The following FNDC1 variants were observed in gnomAD, a reference collection of about 807,000 sequenced individuals.
FNDC1 encodes the protein fibronectin type III domain-containing protein 1.
In FNDC1, 96 loss-of-function variants were observed where a neutral mutation model predicts 168.0. That is an observed-to-expected ratio of 0.57 (90% CI 0.48 to 0.68). The LOEUF (loss-of-function observed/expected upper bound fraction) is 0.68, where lower values mean the gene tolerates loss of function less well. Ranked by LOEUF, FNDC1 falls within the 30% of genes least tolerant of loss-of-function variation. The pLI is 0.00. For missense variants in FNDC1, 2,587 were observed against 2,482.1 expected (o/e 1.04, Z -0.90); for synonymous variants, 1,099 against 1,025.9 (o/e 1.07, Z -1.36).
chr6:159,269,589 GTCTGTCTGTCTA>G (rs752462458), intron 22 of FNDC1, among the ~76,000 whole-genome samples: 157 of 100,722 alleles, frequency 1.6e-3, no homozygotes, highest in East Asian at 3.4e-3. Context: ...CTGTCTGTCT[GTCTGTCTGTCTA>G]TCTATCTATC....
chr6:159,200,393 G>A, intron 3 of FNDC1, 120 bp from the exon 4 acceptor site: 3 of 798,862 alleles, frequency 3.8e-6, no homozygotes, highest in East Asian at 2.7e-5. Flanking sequence ...AATATGGGCT[G>A]AGCAGATCCT....
intron 8 of FNDC1, 108 bp from the exon 9 acceptor site, chr6:159,226,365 C>G (rs554803558): frequency 4.7e-5 from 36 of 766,486 alleles, no homozygotes; most frequent in Non-Finnish European, 7.1e-5. Flanking sequence ...AAAATTAACA[C>G]AGTAGGTCTT....
At chr6:159,234,551 T>C in intron 11 of FNDC1, 72 bp downstream of exon 11, 1 of 1,416,042 alleles carries the variant, frequency 7.1e-7, no homozygotes, top group South Asian at 1.3e-5. Context: ...AAGAAGTTTT[T>C]ATTCTATTGC....
chr6:159,199,943 G>T (rs372268158), intron 2 of FNDC1, 53 bp from the exon 3 acceptor site: 19 of 1,459,916 alleles, frequency 1.3e-5, no homozygotes, highest in Non-Finnish European at 1.8e-5. Context: ...GAGTGAAACT[G>T]TGTCATTCTT....
At chr6:159,207,555 C>A (rs1227461432) in intron 4 of FNDC1, among the ~76,000 whole-genome samples, 2 of 152,172 alleles carry the variant, frequency 1.3e-5, no homozygotes, top group South Asian at 2.1e-4. Flanking sequence ...GTCTGTGATA[C>A]CTCTGAGAGG....
At chr6:159,205,132 T>A (rs1344014810) in intron 4 of FNDC1, among the ~76,000 whole-genome samples, 3 of 152,166 alleles carry the variant, frequency 2.0e-5, no homozygotes. Context: ...CATCTTTGGA[T>A]CCCTCCCAGT....
At chr6:159,205,565 A>G (rs923948714) in intron 4 of FNDC1, among the ~76,000 whole-genome samples, 4 of 152,064 alleles carry the variant, frequency 2.6e-5, no homozygotes, top group African/African-American at 9.7e-5. Flanking sequence ...GCCATCAGCA[A>G]CTCCTGTCTT....
At chr6:159,242,248 C>T (rs144275407) in intron 14 of FNDC1, among the ~76,000 whole-genome samples, 15 of 152,274 alleles carry the variant, frequency 9.9e-5, no homozygotes, top group East Asian at 3.9e-4. Flanking sequence ...AACTAAACAC[C>T]GCATGTTGTC....
At chr6:159,208,845 T>TTTTA (rs1782539542) in intron 4 of FNDC1, among the ~76,000 whole-genome samples, 1 of 31,688 alleles carries the variant, frequency 3.2e-5, no homozygotes, top group East Asian at 1.5e-3. Context: ...TTATTTTTAA[T>TTTTA]TTTTTTTTTT....
chr6:159,207,273 T>C (rs2114957719), intron 4 of FNDC1, among the ~76,000 whole-genome samples: 1 of 152,180 alleles, frequency 6.6e-6, no homozygotes, highest in South Asian at 2.1e-4. Flanking sequence ...CCAGGATGTG[T>C]GCTTATTTCA....
intron 1 of FNDC1, among the ~76,000 whole-genome samples, chr6:159,196,479 G>A (rs1782242877): frequency 1.3e-5 from 2 of 152,148 alleles, no homozygotes; most frequent in South Asian, 4.1e-4. Flanking sequence ...TCACATATGT[G>A]TCATCACTAA....
chr6:159,232,212 G>C lies in FNDC1; in HGVS notation c.1700G>C (p.Arg567Thr), dbSNP rs1438212247. The C allele has an allele frequency of 6.2e-7, 1 of 1,613,362 alleles. No homozygotes were observed. ...ACCCAAGACCAGAAACGGACCCTGA[G>C]GCCGCCAAGTAGACACGGCCACTCG... The part of the protein sequence containing the change: ...SDTQDQKRTL[R>T]PPSRHGHSVV... The change falls in exon 11 of 23, where the codon AGG becomes ACG. Residue 567 changes from arginine (R) to threonine (T), a missense_variant. Arg to Thr is a moderately conservative substitution (Grantham distance 71). Transcript: ENST00000297267. The surrounding 1 kb of genome is among the most constrained non-coding windows in gnomAD (Gnocchi z 4.9).
Position 159,232,694 on chromosome 6 carries a change from C to T in FNDC1, c.2182C>T (p.Arg728Trp), listed in dbSNP as rs912603149. The T allele has an allele frequency of 2.5e-6, 4 of 1,613,888 alleles. No individual in the cohort carries two copies. Among genetic ancestry groups the T allele is most frequent in the Non-Finnish European group, 3.4e-6 (4 of 1,179,864 alleles). Residue 728 changes from arginine to tryptophan, a missense_variant, in exon 11 of 23, where the codon CGG becomes TGG. Arg to Trp is a moderately radical substitution (Grantham distance 101, BLOSUM62 -3). Coordinates refer to ENST00000297267, the MANE Select transcript of FNDC1 (RefSeq NM_032532.3). The surrounding 1 kb of genome is among the most constrained non-coding windows in gnomAD (Gnocchi z 4.9). ...TTCTCCACCCCATGGGGGATCATCT[C>T]GGCTGCTGCCCACCCAGCCACACCT... ...RLSPPHGGSSRLLPTQPHLSS... is the reference protein window; with the variant it reads ...RLSPPHGGSSWLLPTQPHLSS...
intron 1 of FNDC1, among the ~76,000 whole-genome samples, chr6:159,196,006 G>A (rs1468058318): frequency 1.3e-5 from 2 of 152,180 alleles, no homozygotes; most frequent in African/African-American, 4.8e-5. Context: ...GGATTCCTGG[G>A]AATGATTCCT....
At chr6:159,253,359 C>CT (rs1445401444) in intron 17 of FNDC1, among the ~76,000 whole-genome samples, 2 of 152,338 alleles carry the variant, frequency 1.3e-5, no homozygotes, top group African/African-American at 4.8e-5. Context: ...AACACCGGCT[C>CT]TTTCATCTGC....
rs1427615623 is a variant in FNDC1, at chr6:159,233,225, G to A, written c.2713G>A (p.Gly905Ser). 6.2e-7 allele frequency: 1 copy of A among 1,613,754 alleles called. No homozygotes were observed. Among genetic ancestry groups the A allele is most frequent in the Non-Finnish European group, 8.5e-7 (1 of 1,179,814 alleles). ...PSSSRQPISR[G>S]WEDLRRSPQR... ...CTCCTCCAGGCAGCCCATCTCCCGG[G>A]GCTGGGAGGACTTAAGGAGAAGCCC... The change falls in exon 11 of 23, where the codon GGC becomes AGC. Residue 905 changes from glycine (G) to serine (S), a missense_variant. By Grantham distance (56) the Gly-to-Ser change is moderately conservative. Transcript: ENST00000297267. The surrounding 1 kb of genome is among the most constrained non-coding windows in gnomAD (Gnocchi z 4.6).
At chr6:159,221,515 C>A in intron 5 of FNDC1, 83 bp from the exon 6 acceptor site, 3 of 1,091,792 alleles carry the variant, frequency 2.7e-6, no homozygotes, top group Admixed American at 1.8e-5. Flanking sequence ...AGGAGGAATG[C>A]AGAACCCCCG....
chr6:159,200,938 C>G (rs1782366623), intron 4 of FNDC1, among the ~76,000 whole-genome samples: 1 of 152,248 alleles, frequency 6.6e-6, no homozygotes, highest in Non-Finnish European at 1.5e-5. Flanking sequence ...GGGGTCCCCC[C>G]AAAATAGTGG....
intron 1 of FNDC1, among the ~76,000 whole-genome samples, chr6:159,171,186 G>T (rs146990297): frequency 6.6e-6 from 1 of 152,158 alleles, no homozygotes; most frequent in South Asian, 2.1e-4. Context: ...TCACTGTGCT[G>T]AGGAATGCTG....
Sources: gnomAD v4.1 joint callset for allele counts (sites outside exome capture counted in the v4.1 genomes callset) on GRCh38, gnomAD v4.1.1 for gene constraint, Gnocchi (gnomAD v3.1) non-coding constraint, MANE v1.5 for transcripts, NCBI Gene and HGNC (gene_info 2026-07-23, HGNC 2026-07-21) for gene names.